Variants in CRIM1 observed in about 807,000 individuals in gnomAD.
The protein encoded by CRIM1 is cysteine rich transmembrane BMP regulator 1.
In CRIM1, 32 loss-of-function variants were observed where a neutral mutation model predicts 116.4. The ratio of observed to expected loss-of-function variants is 0.27; its 90% CI spans 0.21 to 0.37. The LOEUF (loss-of-function observed/expected upper bound fraction) is 0.37, where lower values mean the gene tolerates loss of function less well. Ranked by LOEUF, CRIM1 falls within the 10% of genes least tolerant of loss-of-function variation. CRIM1 has a pLI of 1.00. For synonymous variants in CRIM1, 590 were observed against 509.2 expected (o/e 1.16, Z -2.13); for missense variants, 1,331 against 1,354.8 (o/e 0.98, Z 0.28).
intron 10 of CRIM1, among the ~76,000 whole-genome samples, chr2:36,512,738 C>T (rs1253087493): frequency 1.3e-5 from 2 of 152,196 alleles, no homozygotes; most frequent in African/African-American, 4.8e-5. Context: ...AAAACTGCAA[C>T]AGTAAATAGC....
chr2:36,501,919 G>T (rs1035296970), intron 8 of CRIM1, among the ~76,000 whole-genome samples: 6 of 152,144 alleles, frequency 3.9e-5, no homozygotes, highest in Non-Finnish European at 8.8e-5. Context: ...GGCAGCCCAA[G>T]TTTTCTCAAA....
chr2:36,381,259 C>T (rs1670745594), intron 1 of CRIM1, among the ~76,000 whole-genome samples: 1 of 152,200 alleles, frequency 6.6e-6, no homozygotes, highest in African/African-American at 2.4e-5. Context: ...AAGGAGTGCC[C>T]CATGGCCTTG....
At position 36,396,640 on chromosome 2, in the gene CRIM1, C is replaced by G. The variant is rs757601800; in HGVS notation, c.358C>G (p.Leu120Val). 4.4e-6 allele frequency: 7 copies of G among 1,606,512 alleles called. No individual in the cohort carries two copies. In the South Asian group the frequency reaches 7.7e-5, roughly 18 times the overall value. Residue 120 changes from leucine to valine, a missense_variant, in exon 2 of 17, where the codon CTT (leucine) becomes GTT (valine). Transcript: ENST00000280527. ...TGAGAACTGGACTGATGACCAACTG[C>G]TTGGTTTTAAACCATGCAATGAAAA... The part of the protein sequence containing the change: ...EDENWTDDQL[L>V]GFKPCNENLI...
intron 9 of CRIM1, among the ~76,000 whole-genome samples, chr2:36,510,777 T>A (rs1414536415): frequency 6.6e-6 from 1 of 152,200 alleles, no homozygotes; most frequent in African/African-American, 2.4e-5. Context: ...TTCTTTCGTG[T>A]CTGTATAAGC....
At chr2:36,493,774 A>G (rs532453734) in intron 7 of CRIM1, among the ~76,000 whole-genome samples, 6 of 152,360 alleles carry the variant, frequency 3.9e-5, no homozygotes, top group Admixed American at 2.6e-4. Context: ...ACAGCAATTT[A>G]AAAGCATCCA....
At chr2:36,420,671 A>AGGATAATTAAGAGTTTGCC (rs538168060) in intron 2 of CRIM1, among the ~76,000 whole-genome samples, 2,812 of 152,252 alleles carry the variant, frequency 0.018, 28 homozygotes, top group Non-Finnish European at 0.026. Context: ...TGAGGTTTGC[A>AGGATAATTAAGAGTTTGCC]GGATAATTAA....
chr2:36,447,191 T>G (rs1016802365), intron 4 of CRIM1, among the ~76,000 whole-genome samples: 1 of 152,218 alleles, frequency 6.6e-6, no homozygotes, highest in African/African-American at 2.4e-5. Flanking sequence ...CAAATTTTCC[T>G]TGGTACAAGA....
rs374839318 is a variant in CRIM1, at chr2:36,550,066, T to TGTGTGTGTGTGTGTGC, written c.*1366_*1367insTGTGTGTGTGTGTGCG. Reference sequence around the variant, plus strand: ...ATGTGTGTGTGTGTGTGTGTGTGTGTGCGCGCGCACGCACGCCTTGAGCAG... The same window carrying TGTGTGTGTGTGTGTGC: ...ATGTGTGTGTGTGTGTGTGTGTGTGTGTGTGTGTGTGTGTGCGCGCGCGCACGCACGCCTTGAGCAG... On this transcript the variant is annotated 3_prime_UTR_variant, in exon 17 of 17. Coordinates refer to ENST00000280527, the MANE Select transcript of CRIM1 (RefSeq NM_016441.3). 20 of 149,770 alleles carry TGTGTGTGTGTGTGTGC rather than the reference T, an allele frequency of 1.3e-4. No homozygotes were observed. Among genetic ancestry groups the TGTGTGTGTGTGTGTGC allele is most frequent in the African/African-American group, 4.7e-4 (19 of 40,008 alleles). The allele number at this position is 149,770 out of a possible 1,614,324, so 9.3% of individuals were successfully genotyped here.
At chr2:36,516,474 A>G (rs950191664) in intron 11 of CRIM1, among the ~76,000 whole-genome samples, 1 of 152,172 alleles carries the variant, frequency 6.6e-6, no homozygotes, top group Non-Finnish European at 1.5e-5. Flanking sequence ...GACATTTTCA[A>G]CATTAAATTC....
chr2:36,477,097 T>G, intron 6 of CRIM1, 26 bp downstream of exon 6: 1 of 1,563,310 alleles, frequency 6.4e-7, no homozygotes, highest in East Asian at 2.3e-5. Context: ...AATTACAGAT[T>G]AACAGGAGCA....
At chr2:36,376,846 A>G (rs1670357687) in intron 1 of CRIM1, among the ~76,000 whole-genome samples, 4 of 152,222 alleles carry the variant, frequency 2.6e-5, no homozygotes, top group Admixed American at 2.6e-4. Flanking sequence ...GCTTCTTGGG[A>G]AAAGACAGGT....
intron 2 of CRIM1, among the ~76,000 whole-genome samples, chr2:36,398,518 A>G (rs1436563100): frequency 2.0e-5 from 3 of 152,358 alleles, no homozygotes; most frequent in East Asian, 3.9e-4. Context: ...TGATTTTTAA[A>G]GTGATTCTAA....
chr2:36,546,656 T>C (rs913395162), intron 15 of CRIM1, among the ~76,000 whole-genome samples: 1 of 151,998 alleles, frequency 6.6e-6, no homozygotes, highest in African/African-American at 2.4e-5. Context: ...AATCAAAATA[T>C]TTTCATGGTC....
In CRIM1 at chr2:36,543,044, A is replaced by C. The variant is rs556621419; in HGVS notation, c.2624-1332A>C. Reference sequence around the variant, plus strand: ...TTCTCGAGTTTGCAGGGATGCACTGAACCTGTAGAAACTATAATTGTTCCC... The same window carrying C: ...TTCTCGAGTTTGCAGGGATGCACTGCACCTGTAGAAACTATAATTGTTCCC... On this transcript the variant is annotated intron_variant, in intron 14 of 16. Coordinates refer to ENST00000280527, the MANE Select transcript of CRIM1 (RefSeq NM_016441.3). Among the ~76,000 whole-genome samples, 4 of 152,298 alleles carry C rather than the reference A, an allele frequency of 2.6e-5. No individual in the cohort carries two copies. The South Asian group carries it at 8.3e-4, about 32-fold the overall frequency.
At chr2:36,489,343 G>A (rs1680060243) in intron 7 of CRIM1, among the ~76,000 whole-genome samples, 1 of 152,162 alleles carries the variant, frequency 6.6e-6, no homozygotes, top group African/African-American at 2.4e-5. Context: ...GCTGTAATAT[G>A]TTTGGAGATA....
chr2:36,392,159 C>T (rs2148365304), intron 1 of CRIM1, among the ~76,000 whole-genome samples: 1 of 152,248 alleles, frequency 6.6e-6, no homozygotes, highest in African/African-American at 2.4e-5. Flanking sequence ...GTTGGTTTAG[C>T]AGTTTAATAT....
chr2:36,534,246 G>C (rs1666337354), intron 13 of CRIM1, among the ~76,000 whole-genome samples: 2 of 140,046 alleles, frequency 1.4e-5, no homozygotes, highest in Non-Finnish European at 3.1e-5. Flanking sequence ...GGGAAGGAGG[G>C]AGGGGGAAGG....
chr2:36,448,183 G>A (rs560611795), intron 4 of CRIM1, among the ~76,000 whole-genome samples: 1 of 152,306 alleles, frequency 6.6e-6, no homozygotes, highest in Non-Finnish European at 1.5e-5. Context: ...TGATAAAACC[G>A]GGTCCATTTT....
At chr2:36,522,518 G>A (rs1025527761) in intron 13 of CRIM1, among the ~76,000 whole-genome samples, 1 of 152,088 alleles carries the variant, frequency 6.6e-6, no homozygotes, top group African/African-American at 2.4e-5. Context: ...ATAAATAAAT[G>A]AGGCCAGGAG....
Sources: allele counts gnomAD v4.1 joint callset (sites outside exome capture counted in the v4.1 genomes callset), GRCh38; gene constraint gnomAD v4.1.1; transcripts MANE v1.5; gene names NCBI Gene and HGNC (gene_info 2026-07-23, HGNC 2026-07-21).